POU6F2: variants seen among roughly 807,000 people sequenced by gnomAD.
The protein encoded by POU6F2 is POU class 6 homeobox 2, also known as POU domain, class 6, transcription factor 2.
A neutral mutation model predicts 71.3 loss-of-function variants in POU6F2; 31 were observed. The ratio of observed to expected loss-of-function variants is 0.43; its 90% CI spans 0.33 to 0.59. The LOEUF is 0.59. Among genes scored for constraint, POU6F2 ranks in the 20% least tolerant of loss-of-function variants. The probability of loss-of-function intolerance (pLI) is 0.04; values close to 1 mark genes in which losing one functional copy is unlikely to be tolerated. For missense variants in POU6F2, 783 were observed against 856.8 expected (o/e 0.91, Z 1.07); for synonymous variants, 347 against 355.7 (o/e 0.98, Z 0.27).
At position 39,136,490 on chromosome 7, in the gene POU6F2, GA is replaced by G. The variant is rs1277563794; in HGVS notation, c.277+50463del. Among the ~76,000 whole-genome samples the G allele has an allele frequency of 2.0e-5, 3 of 152,312 alleles. No homozygotes were observed. In the East Asian group the frequency reaches 5.8e-4, roughly 29 times the overall value. On this transcript the variant is annotated intron_variant, in intron 2 of 9. Transcript: ENST00000518318. The stretch of plus-strand genomic sequence containing the variant: ...TAGTATGCACCAACGTCCTGGGGTA[GA>G]AAACAGTGGGAATGTTAAAGAACTG...
chr7:39,415,551 G>T (rs1013539006), intron 6 of POU6F2, among the ~76,000 whole-genome samples: 2 of 152,164 alleles, frequency 1.3e-5, no homozygotes, highest in African/African-American at 4.8e-5. Context: ...TGACATATTA[G>T]ATCTTTCTTT....
At chr7:39,286,321 G>A (rs1354359953) in intron 4 of POU6F2, among the ~76,000 whole-genome samples, 1 of 152,188 alleles carries the variant, frequency 6.6e-6, no homozygotes. Context: ...AGTTTACAAG[G>A]AGGAAACATC....
intron 2 of POU6F2, among the ~76,000 whole-genome samples, chr7:39,129,185 C>T (rs1214034981): frequency 6.6e-6 from 1 of 152,124 alleles, no homozygotes; most frequent in Non-Finnish European, 1.5e-5. Flanking sequence ...GCCATCATTT[C>T]TCTGCTTTCT....
chr7:39,292,303 T>G (rs989439284), intron 4 of POU6F2, among the ~76,000 whole-genome samples: 2 of 152,210 alleles, frequency 1.3e-5, no homozygotes, highest in African/African-American at 4.8e-5. Flanking sequence ...TGAATTTTGA[T>G]GAATCCATTC....
intron 7 of POU6F2, among the ~76,000 whole-genome samples, chr7:39,438,640 A>T (rs1788310922): frequency 6.6e-6 from 1 of 152,202 alleles, no homozygotes; most frequent in South Asian, 2.1e-4. Flanking sequence ...ATTGTGGAAG[A>T]CAGTGTGGTG....
intron 4 of POU6F2, among the ~76,000 whole-genome samples, chr7:39,279,483 C>T (rs1310063079): frequency 6.6e-6 from 1 of 152,176 alleles, no homozygotes; most frequent in African/African-American, 2.4e-5. Context: ...GCTGTCATAG[C>T]AGAGTTCCAC....
chr7:39,277,342 C>A (rs1006875777), intron 4 of POU6F2, among the ~76,000 whole-genome samples: 4 of 152,152 alleles, frequency 2.6e-5, no homozygotes, highest in Admixed American at 2.6e-4. Context: ...TTCTATTGAT[C>A]CCAACACGAA....
chr7:39,307,616 G>T (rs990148134), intron 4 of POU6F2, among the ~76,000 whole-genome samples: 1 of 152,036 alleles, frequency 6.6e-6, no homozygotes, highest in Non-Finnish European at 1.5e-5. Context: ...TGTGTTATTG[G>T]TAAGTAAAGT....
At chr7:38,984,201 G>A (rs1282681724) in intron 1 of POU6F2, 1 of 152,088 alleles carries the variant, frequency 6.6e-6, no homozygotes, top group Non-Finnish European at 1.5e-5. Flanking sequence ...CCTAGTCCTA[G>A]GGTCAAAGAT....
At chr7:39,147,045 A>G (rs1562723064) in intron 2 of POU6F2, among the ~76,000 whole-genome samples, 1 of 152,218 alleles carries the variant, frequency 6.6e-6, no homozygotes, top group Non-Finnish European at 1.5e-5. Context: ...ATTTGCATAT[A>G]CACATAGAAA....
intron 4 of POU6F2, among the ~76,000 whole-genome samples, chr7:39,308,835 C>T (rs371563942): frequency 6.6e-6 from 1 of 152,180 alleles, no homozygotes; most frequent in Non-Finnish European, 1.5e-5. Flanking sequence ...CTGCCCATCA[C>T]TAACTCACTT....
chr7:39,070,909 C>T (rs1790866088), intron 1 of POU6F2, among the ~76,000 whole-genome samples: 1 of 152,166 alleles, frequency 6.6e-6, no homozygotes, highest in Non-Finnish European at 1.5e-5. Context: ...CTTGATCTGT[C>T]TTGTTCAATG....
chr7:39,123,508 T>C (rs1322503093), intron 2 of POU6F2, among the ~76,000 whole-genome samples: 2 of 152,222 alleles, frequency 1.3e-5, no homozygotes, highest in African/African-American at 4.8e-5. Context: ...TCCTAAAATA[T>C]ACTTCCTTAC....
intron 2 of POU6F2, among the ~76,000 whole-genome samples, chr7:39,197,449 C>T (rs149869194): frequency 1.5e-3 from 235 of 152,340 alleles, no homozygotes; most frequent in Non-Finnish European, 2.7e-3. Flanking sequence ...GCACTGATCC[C>T]CACAAATTAT....
intron 1 of POU6F2, 139 bp from the exon 2 acceptor site, chr7:39,085,721 A>C: frequency 3.5e-6 from 3 of 863,486 alleles, no homozygotes; most frequent in Non-Finnish European, 5.4e-6. Context: ...GGGAGCAGCC[A>C]GAGATAAGAG....
In POU6F2 at chr7:39,224,722, A is replaced by C. The variant is rs1794430162; in HGVS notation, c.598+17102A>C. ...CTACTAGAAGAAAAACAATTACCCC[A>C]CACCAGTTGATCAGCCTCATGAATG... On this transcript the variant is annotated intron_variant, in intron 4 of 9. Transcript: ENST00000518318. 2.0e-5 allele frequency among the ~76,000 whole-genome samples: 3 copies of C among 152,224 alleles called. 1 individual carries two copies. In the South Asian group the frequency reaches 6.2e-4, roughly 31 times the overall value.
chr7:39,032,626 A>G (rs1349230159), intron 1 of POU6F2, among the ~76,000 whole-genome samples: 2 of 152,218 alleles, frequency 1.3e-5, no homozygotes, highest in Non-Finnish European at 2.9e-5. Context: ...ATAAACCTGC[A>G]TAAGTAGAGA....
chr7:39,132,946 G>A (rs1237240891), intron 2 of POU6F2, among the ~76,000 whole-genome samples: 1 of 152,098 alleles, frequency 6.6e-6, no homozygotes, highest in Non-Finnish European at 1.5e-5. Context: ...ACTAACATCT[G>A]TCTCTATTAA....
intron 4 of POU6F2, among the ~76,000 whole-genome samples, chr7:39,243,152 G>A (rs559671549): frequency 1.3e-5 from 2 of 152,208 alleles, no homozygotes; most frequent in African/African-American, 4.8e-5. Context: ...ATAACACATA[G>A]CACATATTAT....
Sources: gnomAD v4.1 joint callset for allele counts (sites outside exome capture counted in the v4.1 genomes callset) on GRCh38, gnomAD v4.1.1 for gene constraint, MANE v1.5 for transcripts, NCBI Gene and HGNC (gene_info 2026-07-23, HGNC 2026-07-21) for gene names.